Variants in ENAH observed in about 807,000 individuals in gnomAD.
ENAH encodes protein enabled homolog.
ENAH carries 23 observed loss-of-function variants against 78.7 expected under a neutral mutation model. The observed-to-expected ratio is 0.29, with a 90% CI of 0.21 to 0.41. The LOEUF (loss-of-function observed/expected upper bound fraction) is 0.41, where lower values mean the gene tolerates loss of function less well. Ranked by LOEUF, ENAH falls within the 10% of genes least tolerant of loss-of-function variation. The pLI is 1.00. For missense variants in ENAH, 544 were observed against 691.0 expected (o/e 0.79, Z 2.39); for synonymous variants, 226 against 241.0 (o/e 0.94, Z 0.58).
intron 1 of ENAH, among the ~76,000 whole-genome samples, chr1:225,581,835 C>T (rs1295849393): frequency 2.0e-5 from 3 of 150,084 alleles, no homozygotes; most frequent in African/African-American, 4.9e-5. Flanking sequence ...ACCACAGGCA[C>T]GCACCACCAC....
chr1:225,553,614 T>C (rs2096652172), intron 3 of ENAH, among the ~76,000 whole-genome samples: 1 of 151,200 alleles, frequency 6.6e-6, no homozygotes, highest in African/African-American at 2.4e-5. Flanking sequence ...TTCTTCCCTA[T>C]GGTAAAACTA....
In ENAH at chr1:225,488,484, T is replaced by C. The variant is rs2096209020; in HGVS notation, c.*9291A>G. On this transcript the variant is annotated 3_prime_UTR_variant, in exon 14 of 14. Coordinates refer to ENST00000366843, the MANE Select transcript of ENAH (RefSeq NM_018212.6). ...ATAATAGGGACTTTCAGGATGCTCC[T>C]ATAAATACAGACTCCAGAGAGGTTT... 1 of 152,128 alleles carries C rather than the reference T, an allele frequency of 6.6e-6. No individual in the cohort carries two copies. The highest frequency in any genetic ancestry group is 2.4e-5 in the African/African-American group (1 of 41,416). The allele number at this position is 152,128 out of a possible 1,614,324, so 9.4% of individuals were successfully genotyped here. A position where few individuals can be genotyped will look rare whatever the true frequency, so the allele number is the denominator to read the frequency against.
In ENAH at chr1:225,653,067, G is replaced by T; in HGVS notation, c.-377C>A. On this transcript the variant is annotated 5_prime_UTR_variant, in exon 1 of 14. Transcript: ENST00000366843. This position sits in a 1 kb window ranked among gnomAD's most constrained non-coding sequence, Gnocchi z 4.3. ...GCCGCTCCACAGGCCCGCGCTCGCCGCGCCGCCGCCGAGGCCGTGTGCAAC... is the reference window on the plus strand; with the variant it reads ...GCCGCTCCACAGGCCCGCGCTCGCCTCGCCGCCGCCGAGGCCGTGTGCAAC... The T allele has an allele frequency of 6.3e-6, 1 of 158,672 alleles. No individual in the cohort carries two copies. The highest frequency in any genetic ancestry group is 1.8e-4 in the South Asian group (1 of 5,688). 9.8% of individuals were successfully genotyped at this position (158,672 alleles called of 1,614,324 possible).
At position 225,554,894 on chromosome 1, in the gene ENAH, T is replaced by C; in HGVS notation, c.349+12A>G. The C allele has an allele frequency of 2.0e-6, 3 of 1,505,470 alleles. No individual in the cohort carries two copies. The African/African-American group carries it at 4.1e-5, about 20-fold the overall frequency. The allele number at this position is 1,505,470 out of a possible 1,614,324, so 93.3% of individuals were successfully genotyped here. A position where few individuals can be genotyped will look rare whatever the true frequency, so the allele number is the denominator to read the frequency against. ...AAAGAAAGAAAATACAAATAAACCA[T>C]GGGCACCTTACCTGTTTCCTGTGAA... On this transcript the variant is annotated intron_variant, in intron 3 of 13. Transcript: ENST00000366843.
At chr1:225,529,597 T>G (rs1014294704) in intron 4 of ENAH, among the ~76,000 whole-genome samples, 90 of 152,252 alleles carry the variant, frequency 5.9e-4, no homozygotes, top group African/African-American at 2.1e-3. Context: ...GTTTCAGGCT[T>G]TTTGTTCCCT....
intron 4 of ENAH, among the ~76,000 whole-genome samples, chr1:225,528,438 C>T (rs1484787756): frequency 1.3e-5 from 2 of 151,964 alleles, no homozygotes; most frequent in Non-Finnish European, 2.9e-5. Flanking sequence ...GGGGTGAGTT[C>T]CTAAATGCCA....
chr1:225,517,820 T>C (rs1357064935), intron 5 of ENAH: 2 of 1,551,104 alleles, frequency 1.3e-6, no homozygotes, highest in South Asian at 1.2e-5. Context: ...AGTGGTGGTG[T>C]AGGGGGTGTG....
At chr1:225,510,940 G>A (rs1267360747) in intron 10 of ENAH, among the ~76,000 whole-genome samples, 1 of 151,996 alleles carries the variant, frequency 6.6e-6, no homozygotes, top group African/African-American at 2.4e-5. Flanking sequence ...AGGATCACTT[G>A]AGCCCAGGAG....
Position 225,514,580 on chromosome 1 carries a change from T to C in ENAH, c.1218+16A>G. 1.9e-6 allele frequency: 3 copies of C among 1,607,310 alleles called. No individual in the cohort carries two copies. Among genetic ancestry groups the C allele is most frequent in the Non-Finnish European group, 2.5e-6 (3 of 1,176,498 alleles). ...GAATAAGACATATTAAAAAAATTTT[T>C]CAGAAAGGTATTTACCCGTGACACT... is the stretch of plus-strand genomic sequence containing the variant. On this transcript the variant is annotated intron_variant, in intron 7 of 13. Transcript: ENST00000366843.
At chr1:225,605,969 A>C (rs920300681) in intron 1 of ENAH, among the ~76,000 whole-genome samples, 5 of 152,202 alleles carry the variant, frequency 3.3e-5, no homozygotes, top group African/African-American at 7.2e-5. Context: ...TGGCAGCCCT[A>C]GCAAACTACT....
In ENAH at chr1:225,496,863, A is replaced by G. The variant is rs1393031380; in HGVS notation, c.*912T>C. The G allele has an allele frequency of 2.0e-5, 3 of 152,522 alleles. No individual in the cohort carries two copies. Among genetic ancestry groups the G allele is most frequent in the Admixed American group, 6.5e-5 (1 of 15,290 alleles). 9.4% of individuals were successfully genotyped at this position (152,522 alleles called of 1,614,324 possible). On this transcript the variant is annotated 3_prime_UTR_variant, in exon 14 of 14. Coordinates refer to ENST00000366843, the MANE Select transcript of ENAH (RefSeq NM_018212.6). ...CCTGGGACTAGGCCTTGAAAAGGCC[A>G]CTACATATTAGTGTGACATGCATTA...
chr1:225,606,227 C>T (rs1402185061), intron 1 of ENAH, among the ~76,000 whole-genome samples: 5 of 151,938 alleles, frequency 3.3e-5, no homozygotes, highest in Admixed American at 2.0e-4. Flanking sequence ...TTTGGAAGGC[C>T]GAGGCAGGTG....
chr1:225,581,356 G>A, intron 1 of ENAH: 1 of 930,070 alleles, frequency 1.1e-6, no homozygotes, highest in East Asian at 1.2e-4. Flanking sequence ...TATCAAGTGT[G>A]GCTAATTTTA....
intron 1 of ENAH, among the ~76,000 whole-genome samples, chr1:225,625,034 CG>C (rs1281482122): frequency 5.3e-5 from 8 of 151,990 alleles, no homozygotes; most frequent in African/African-American, 1.9e-4. Flanking sequence ...GTCAGATGTT[CG>C]GAATTCCAGT....
At chr1:225,556,029 C>T (rs764323869) in intron 2 of ENAH, among the ~76,000 whole-genome samples, 20 of 152,322 alleles carry the variant, frequency 1.3e-4, no homozygotes, top group Middle Eastern at 6.8e-3. Context: ...GAGCCATCCA[C>T]TTGTTGCATG....
intron 1 of ENAH, among the ~76,000 whole-genome samples, chr1:225,587,733 T>C (rs1306867581): frequency 6.6e-6 from 1 of 152,184 alleles, no homozygotes; most frequent in Non-Finnish European, 1.5e-5. Flanking sequence ...AGAAGACTAA[T>C]AGTATCTGAT....
At position 225,517,193 on chromosome 1, in the gene ENAH, T is replaced by C. The variant is rs1197934845; in HGVS notation, c.913+3A>G. ...CTGTTAGTAGCAATAATGAAAGCCT[T>C]ACCCTGTTGGGATGGAGTCTCGGCC... On this transcript the variant is annotated splice_donor_region_variant and intron_variant, in intron 6 of 13. Transcript: ENST00000366843. The C allele has an allele frequency of 1.3e-6, 2 of 1,523,062 alleles. No individual in the cohort carries two copies. The highest frequency in any genetic ancestry group is 1.8e-6 in the Non-Finnish European group (2 of 1,133,792). The allele number at this position is 1,523,062 out of a possible 1,614,324, so 94.3% of individuals were successfully genotyped here.
intron 2 of ENAH, among the ~76,000 whole-genome samples, chr1:225,558,923 G>A (rs1013104506): frequency 3.9e-5 from 6 of 152,068 alleles, no homozygotes; most frequent in African/African-American, 1.2e-4. Flanking sequence ...GTAAGCCACT[G>A]CGCCTGGCCT....
chr1:225,578,913 C>G (rs914325060), intron 1 of ENAH, among the ~76,000 whole-genome samples: 8 of 152,148 alleles, frequency 5.3e-5, no homozygotes, highest in Non-Finnish European at 1.2e-4. Context: ...GTGACATAAG[C>G]AGTTACTGAG....
Sources: gnomAD v4.1 joint callset for allele counts (sites outside exome capture counted in the v4.1 genomes callset) on GRCh38, gnomAD v4.1.1 for gene constraint, Gnocchi (gnomAD v3.1) non-coding constraint, MANE v1.5 for transcripts, NCBI Gene and HGNC (gene_info 2026-07-23, HGNC 2026-07-21) for gene names.